Variants in ATXN1 observed in about 807,000 individuals in gnomAD.
ATXN1 encodes the protein ataxin 1.
Under a neutral mutation model 56.4 loss-of-function variants are expected in ATXN1, and 8 were observed. The ratio of observed to expected loss-of-function variants is 0.14; its 90% CI spans 0.08 to 0.26. The LOEUF is 0.26. Among genes scored for constraint, ATXN1 ranks in the 10% least tolerant of loss-of-function variants. ATXN1 has a pLI of 1.00. For missense variants in ATXN1, 987 were observed against 1,106.5 expected, an observed-to-expected ratio of 0.89 and a Z score of 1.53; for synonymous variants, 514 against 494.6, an observed-to-expected ratio of 1.04 and a Z score of -0.52.
chr6:16,318,685 C>T (rs1350482268), intron 7 of ATXN1, among the ~76,000 whole-genome samples: 1 of 152,216 alleles, frequency 6.6e-6, no homozygotes, highest in African/African-American at 2.4e-5. Context: ...CAGGGTTGTT[C>T]AGTAAACCCA....
chr6:16,374,378 A>G (rs78743834), intron 6 of ATXN1, among the ~76,000 whole-genome samples: 4,420 of 152,340 alleles, frequency 0.029, 71 homozygotes, highest in Middle Eastern at 0.054. Flanking sequence ...CTGGTTTCCC[A>G]CAACTGATTA....
At chr6:16,575,459 T>C (rs1238940971) in intron 4 of ATXN1, among the ~76,000 whole-genome samples, 2 of 152,218 alleles carry the variant, frequency 1.3e-5, no homozygotes, top group Non-Finnish European at 2.9e-5. Flanking sequence ...TTCTTTGGGT[T>C]ATAATCCAGC....
Position 16,328,341 on chromosome 6 carries a change from T to G in ATXN1, c.-31A>C. On this transcript the variant is annotated 5_prime_UTR_variant, in exon 7 of 8. Coordinates refer to ENST00000436367, the MANE Select transcript of ATXN1 (RefSeq NM_001128164.2). The surrounding 1 kb of genome is among the most constrained non-coding windows in gnomAD (Gnocchi z 6.2). ...GCCGTCCCCCCTCCACGGTGACTGT[T>G]TCACTGTCTGGATGGCTCTGATTTT... is the stretch of plus-strand genomic sequence containing the variant. 6.7e-7 allele frequency: 1 copy of G among 1,491,366 alleles called. No individual in the cohort carries two copies. The highest frequency in any genetic ancestry group is 8.9e-7 in the Non-Finnish European group (1 of 1,126,838). 92.4% of individuals were successfully genotyped at this position (1,491,366 alleles called of 1,614,324 possible).
intron 6 of ATXN1, among the ~76,000 whole-genome samples, chr6:16,424,772 G>A (rs917399833): frequency 6.6e-6 from 1 of 152,244 alleles, no homozygotes; most frequent in Non-Finnish European, 1.5e-5. Context: ...CAGGTGCAAA[G>A]GAAATGTGGG....
At chr6:16,710,106 A>T (rs1759490894) in intron 2 of ATXN1, among the ~76,000 whole-genome samples, 1 of 152,230 alleles carries the variant, frequency 6.6e-6, no homozygotes, top group Non-Finnish European at 1.5e-5. Flanking sequence ...TAACATCATG[A>T]TGAAATAGTG....
At chr6:16,323,135 G>A (rs1581688279) in intron 7 of ATXN1, among the ~76,000 whole-genome samples, 2 of 152,302 alleles carry the variant, frequency 1.3e-5, no homozygotes, top group East Asian at 3.9e-4. Context: ...TGACTTCACA[G>A]GGAAGCCAAT....
chr6:16,448,532 T>C (rs953225286), intron 6 of ATXN1, among the ~76,000 whole-genome samples: 8 of 152,236 alleles, frequency 5.3e-5, no homozygotes, highest in African/African-American at 1.9e-4. Flanking sequence ...TCCTTCTATT[T>C]AACTGTATTT....
intron 3 of ATXN1, among the ~76,000 whole-genome samples, chr6:16,644,428 T>C (rs1763764942): frequency 6.6e-6 from 1 of 151,280 alleles, no homozygotes; most frequent in Non-Finnish European, 1.5e-5. Context: ...GGCAGGAGAA[T>C]TGCTTGAACC....
At chr6:16,367,232 G>A (rs759940561) in intron 6 of ATXN1, among the ~76,000 whole-genome samples, 18 of 152,142 alleles carry the variant, frequency 1.2e-4, no homozygotes, top group Non-Finnish European at 2.1e-4. Flanking sequence ...GTAACACTGC[G>A]TATGCTGATA....
In ATXN1 at chr6:16,384,535, T is replaced by G. The variant is rs73724845; in HGVS notation, c.-160-56065A>C. ...CAGTTCCTGTTCTCAAGGAGCTCCA[T>G]TGATATGGTTGGCATTTGTGTCCCC... On this transcript the variant is annotated intron_variant, in intron 6 of 7. Transcript: ENST00000436367. 8.0e-3 allele frequency among the ~76,000 whole-genome samples: 1,218 copies of G among 152,358 alleles called. 16 individuals are homozygous for G. The highest frequency in any genetic ancestry group is 0.028 in the African/African-American group (1,150 of 41,584).
At chr6:16,339,494 T>G (rs574952240) in intron 6 of ATXN1, among the ~76,000 whole-genome samples, 3 of 152,284 alleles carry the variant, frequency 2.0e-5, no homozygotes, top group South Asian at 4.1e-4. Context: ...TTCAATGCTC[T>G]CAACTGCAAA....
intron 4 of ATXN1, 122 bp from the exon 5 acceptor site, chr6:16,522,810 G>A (rs967410121): frequency 2.6e-5 from 4 of 152,202 alleles, no homozygotes; most frequent in African/African-American, 7.2e-5. Context: ...TTTATTAGGT[G>A]CACAATAAAT....
In ATXN1 at chr6:16,327,248, G is replaced by T; in HGVS notation, c.1063C>A (p.Pro355Thr). 3 of 1,613,472 alleles carry T rather than the reference G, an allele frequency of 1.9e-6. No homozygotes were observed. The South Asian group carries it at 3.3e-5, about 18-fold the overall frequency. Residue 355 changes from proline (P) to threonine (T), a missense_variant, in exon 7 of 8, where the codon CCG becomes ACG. Physicochemically the swap from Pro to Thr is conservative, Grantham distance 38. Around this residue, in one of 3 missense-constraint regions of ATXN1, gnomAD observed 723 missense variants for 791.7 expected, o/e 0.91. Transcript: ENST00000436367. ...GKAGGKSVPH[P>T]YESRHVVVHP... is the part of the protein sequence containing the mutation. ...ACCACCACGTGCCTGGACTCGTACG[G>T]GTGAGGAACCGACTTGCCGCCTGCC...
chr6:16,447,424 A>G (rs931864499), intron 6 of ATXN1, among the ~76,000 whole-genome samples: 2 of 152,032 alleles, frequency 1.3e-5, no homozygotes. Flanking sequence ...GGGTTTCACC[A>G]TGTTGGCCAG....
At chr6:16,672,810 G>A (rs1467640269) in intron 2 of ATXN1, among the ~76,000 whole-genome samples, 1 of 152,010 alleles carries the variant, frequency 6.6e-6, no homozygotes, top group Non-Finnish European at 1.5e-5. Context: ...GCCTGAGGTC[G>A]AGAGTTCGAG....
At chr6:16,637,090 C>G (rs942772087) in intron 3 of ATXN1, among the ~76,000 whole-genome samples, 1 of 152,152 alleles carries the variant, frequency 6.6e-6, no homozygotes, top group African/African-American at 2.4e-5. Context: ...AGACTTGGAA[C>G]CAACCCAAAT....
chr6:16,606,325 C>T (rs1315383547), intron 3 of ATXN1, among the ~76,000 whole-genome samples: 3 of 152,130 alleles, frequency 2.0e-5, no homozygotes, highest in South Asian at 4.1e-4. Context: ...CCTGCGAACA[C>T]ATGTGATGGG....
chr6:16,745,014 AT>A (rs1760475809), intron 2 of ATXN1, among the ~76,000 whole-genome samples: 1 of 152,244 alleles, frequency 6.6e-6, no homozygotes, highest in Non-Finnish European at 1.5e-5. Context: ...CCATTTGCTA[AT>A]TGTAAAAAGA....
chr6:16,579,296 C>T (rs191287165), intron 4 of ATXN1, among the ~76,000 whole-genome samples: 112 of 152,156 alleles, frequency 7.4e-4, no homozygotes, highest in African/African-American at 2.5e-3. Flanking sequence ...CTAAAATGCA[C>T]GGGGAAAACA....
Sources: allele counts gnomAD v4.1 joint callset (sites outside exome capture counted in the v4.1 genomes callset), GRCh38; gene constraint gnomAD v4.1.1; regional missense constraint gnomAD v4.1.1; non-coding constraint Gnocchi (gnomAD v3.1); transcripts MANE v1.5; gene names NCBI Gene and HGNC (gene_info 2026-07-23, HGNC 2026-07-21).